IDH2: variants seen among roughly 807,000 people sequenced by gnomAD.
IDH2 encodes isocitrate dehydrogenase (NADP(+)) 2.
In IDH2, 18 loss-of-function variants were observed where a neutral mutation model predicts 50.5. The ratio of observed to expected loss-of-function variants is 0.36; its 90% CI spans 0.25 to 0.53. The LOEUF is 0.53. Ranked by LOEUF, IDH2 falls within the 20% of genes least tolerant of loss-of-function variation. The pLI is 0.92. For synonymous variants in IDH2, 280 were observed against 239.8 expected (o/e 1.17, Z -1.55); for missense variants, 518 against 610.7 (o/e 0.85, Z 1.60).
chr15:90,085,272 C>T lies in IDH2; in HGVS notation c.1080+3G>A, dbSNP rs2151546972. On this transcript the variant is annotated splice_donor_region_variant and intron_variant, in intron 8 of 10. Coordinates refer to ENST00000330062, the MANE Select transcript of IDH2 (RefSeq NM_002168.4). The surrounding 1 kb of genome is among the most constrained non-coding windows in gnomAD (Gnocchi z 5.5). ...ATTGTGAGGCCCCATGCCCTGCACTCACCTTCTGGTGCTCCCGATAGTGGC... is the reference window on the plus strand; with the variant it reads ...ATTGTGAGGCCCCATGCCCTGCACTTACCTTCTGGTGCTCCCGATAGTGGC... The T allele has an allele frequency of 1.3e-6, 2 of 1,557,100 alleles. No individual in the cohort carries two copies. Among genetic ancestry groups the T allele is most frequent in the South Asian group, 1.2e-5 (1 of 85,308 alleles).
chr15:90,085,077 G>T lies in IDH2; in HGVS notation c.1102C>A (p.Pro368Thr). 6.2e-7 allele frequency: 1 copy of T among 1,613,962 alleles called. No individual in the cohort carries two copies. The highest frequency in any genetic ancestry group is 8.5e-7 in the Non-Finnish European group (1 of 1,179,996). ...GTCCAGGCAAAGATGCTGGCGATGG[G>T]GTTGGTGCTGGTGGGCCGGCCCTGG... ...HQKGRPTSTN[P>T]IASIFAWTRG... The change falls in exon 9 of 11, where the codon CCC becomes ACC. Residue 368 changes from proline (P) to threonine (T), a missense_variant. Pro to Thr is a conservative substitution (Grantham distance 38). Around this residue, in one of 5 missense-constraint regions of IDH2, gnomAD observed 135 missense variants for 167.6 expected, o/e 0.81. Transcript: ENST00000330062. This position sits in a 1 kb window ranked among gnomAD's most constrained non-coding sequence, Gnocchi z 5.5.
rs577306964 is a variant in IDH2 at position 90,094,350 on chromosome 15, C to G, written c.116-2706G>C. 7.2e-5 allele frequency among the ~76,000 whole-genome samples: 11 copies of G among 152,352 alleles called. No homozygotes were observed. In the South Asian group the frequency reaches 2.3e-3, roughly 32 times the overall value. Reference sequence around the variant, plus strand: ...GCAGATAGGGGCACCGGGGCACCAGCCTGCTCCTCTGCCCACAGCCTGGGA... The same window carrying G: ...GCAGATAGGGGCACCGGGGCACCAGGCTGCTCCTCTGCCCACAGCCTGGGA... On this transcript the variant is annotated intron_variant, in intron 1 of 10. Coordinates refer to ENST00000330062, the MANE Select transcript of IDH2 (RefSeq NM_002168.4).
At chr15:90,090,405 C>A (rs1219898371) in intron 3 of IDH2, 74 bp downstream of exon 3, 8 of 1,529,236 alleles carry the variant, frequency 5.2e-6, no homozygotes, top group Non-Finnish European at 7.2e-6. Flanking sequence ...CCAACTGCCC[C>A]ACCCCAAGTC....
chr15:90,084,400 C>T lies in IDH2; in HGVS notation c.1272-47G>A. 1 of 1,545,388 alleles carries T rather than the reference C, an allele frequency of 6.5e-7. No individual in the cohort carries two copies. The highest frequency in any genetic ancestry group is 8.9e-7 in the Non-Finnish European group (1 of 1,125,386). On this transcript the variant is annotated intron_variant, in intron 10 of 10. Coordinates refer to ENST00000330062, the MANE Select transcript of IDH2 (RefSeq NM_002168.4). The surrounding 1 kb of genome is among the most constrained non-coding windows in gnomAD (Gnocchi z 5.0). ...CATCAGGGGTGGCTCCAGGCCTTGCCAAGGCCATCAGCCAGGCCCTTCCAG... is the reference window on the plus strand; with the variant it reads ...CATCAGGGGTGGCTCCAGGCCTTGCTAAGGCCATCAGCCAGGCCCTTCCAG...
chr15:90,091,344 G>T (rs1901029817), intron 2 of IDH2, among the ~76,000 whole-genome samples: 1 of 152,258 alleles, frequency 6.6e-6, no homozygotes, highest in African/African-American at 2.4e-5. Context: ...AACACGGACT[G>T]CTGGGGACAG....
chr15:90,102,239 G>A, intron 1 of IDH2, 37 bp downstream of exon 1: 1 of 922,926 alleles, frequency 1.1e-6, no homozygotes, highest in Non-Finnish European at 1.4e-6. Context: ...CGCAGCTGGG[G>A]GCGCGCGCCT....
Position 90,087,266 on chromosome 15 carries a change from G to A in IDH2, c.816-3C>T. 1 of 1,614,146 alleles carries A rather than the reference G, an allele frequency of 6.2e-7. No individual in the cohort carries two copies. The highest frequency in any genetic ancestry group is 8.5e-7 in the Non-Finnish European group (1 of 1,180,028). Reference sequence around the variant, plus strand: ...TGTCGAAGTCGGTCTTATAGTGCCTGGGAGTAAAAAGGTCTGTTATGGGGA... The same window carrying A: ...TGTCGAAGTCGGTCTTATAGTGCCTAGGAGTAAAAAGGTCTGTTATGGGGA... On this transcript the variant is annotated splice_polypyrimidine_tract_variant and splice_region_variant and intron_variant, in intron 6 of 10. Coordinates refer to ENST00000330062, the MANE Select transcript of IDH2 (RefSeq NM_002168.4).
rs1555461852 is a variant in IDH2 at position 90,093,605 on chromosome 15, A to ATTT, written c.116-1962_116-1961insAAA. 3.9e-3 allele frequency among the ~76,000 whole-genome samples: 507 copies of ATTT among 129,266 alleles called. 3 individuals are homozygous for ATTT. Among genetic ancestry groups the ATTT allele is most frequent in the Non-Finnish European group, 5.4e-3 (295 of 55,082 alleles). 84.8% of individuals were successfully genotyped at this position (129,266 alleles called of 152,430 possible). On this transcript the variant is annotated intron_variant, in intron 1 of 10. Coordinates refer to ENST00000330062, the MANE Select transcript of IDH2 (RefSeq NM_002168.4). ...ATCATTACCTCCATTTTATTTAATT[A>ATTT]ATTAATTTATTTATTTATTTATTTA... is the stretch of plus-strand genomic sequence containing the variant.
rs1255186514 is a variant in IDH2 at position 90,085,532 on chromosome 15, G to A, written c.968-145C>T. On this transcript the variant is annotated intron_variant, in intron 7 of 10. Transcript: ENST00000330062. This position sits in a 1 kb window ranked among gnomAD's most constrained non-coding sequence, Gnocchi z 5.5. ...CCCCCAGCTGCAACTGGGAGGACAG[G>A]GACTGTTCCAGGTCTCTTCACCCTC... The A allele has an allele frequency of 1.4e-6, 1 of 714,388 alleles. No homozygotes were observed. 44.3% of individuals were successfully genotyped at this position (714,388 alleles called of 1,614,324 possible).
rs749473740 is a variant in IDH2 at position 90,084,380 on chromosome 15, G to A, written c.1272-27C>T. 4 of 1,605,006 alleles carry A rather than the reference G, an allele frequency of 2.5e-6. No individual in the cohort carries two copies. Among genetic ancestry groups the A allele is most frequent in the Non-Finnish European group, 3.4e-6 (4 of 1,173,804 alleles). ...TGCAGAGAGAGCACCACTCACATCA[G>A]GGGTGGCTCCAGGCCTTGCCAAGGC... On this transcript the variant is annotated intron_variant, in intron 10 of 10. Coordinates refer to ENST00000330062, the MANE Select transcript of IDH2 (RefSeq NM_002168.4). This position sits in a 1 kb window ranked among gnomAD's most constrained non-coding sequence, Gnocchi z 5.0.
chr15:90,095,706 C>G (rs1397039074), intron 1 of IDH2, among the ~76,000 whole-genome samples: 2 of 152,194 alleles, frequency 1.3e-5, no homozygotes, highest in Admixed American at 1.3e-4. Context: ...CAGTACCCCA[C>G]TGGGATACTG....
At chr15:90,090,085 T>TTCC (rs61447158) in intron 3 of IDH2, among the ~76,000 whole-genome samples, 2 of 151,312 alleles carry the variant, frequency 1.3e-5, no homozygotes, top group East Asian at 1.9e-4. Context: ...CAGCATTACC[T>TTCC]TCCTCCTCCT....
rs1375910689 is a variant in IDH2 at position 90,084,154 on chromosome 15, C to G, written c.*112G>C. 2.6e-6 allele frequency: 2 copies of G among 775,060 alleles called. No homozygotes were observed. Among genetic ancestry groups the G allele is most frequent in the Non-Finnish European group, 4.4e-6 (2 of 454,542 alleles). 48.0% of individuals were successfully genotyped at this position (775,060 alleles called of 1,614,324 possible). A position where few individuals can be genotyped will look rare whatever the true frequency, so the allele number is the denominator to read the frequency against. On this transcript the variant is annotated 3_prime_UTR_variant, in exon 11 of 11. Coordinates refer to ENST00000330062, the MANE Select transcript of IDH2 (RefSeq NM_002168.4). The surrounding 1 kb of genome is among the most constrained non-coding windows in gnomAD (Gnocchi z 5.0). ...AAACATCTGGCTTATAAAAAAACAT[C>G]CCCTAGAAAGGCCTCCAGAGAGGGG... is the stretch of plus-strand genomic sequence containing the variant.
Position 90,083,851 on chromosome 15 carries a change from C to T in IDH2, c.*415G>A. 1 of 306,880 alleles carries T rather than the reference C, an allele frequency of 3.3e-6. No homozygotes were observed. Among genetic ancestry groups the T allele is most frequent in the South Asian group, 4.7e-5 (1 of 21,262 alleles). The allele number at this position is 306,880 out of a possible 1,614,324, so 19.0% of individuals were successfully genotyped here. A position where few individuals can be genotyped will look rare whatever the true frequency, so the allele number is the denominator to read the frequency against. On this transcript the variant is annotated 3_prime_UTR_variant, in exon 11 of 11. Transcript: ENST00000330062. ...GCGGGCTCCCAGGGCTGCCTGGTCC[C>T]TTCCCTGCCGTGGCAGCCCCTTCCT...
rs1358397121 is a variant in IDH2, at chr15:90,084,896, C to A, written c.1191G>T (p.Met397Ile). The change falls in exon 10 of 11, where the codon ATG (methionine) becomes ATT (isoleucine). Residue 397 changes from methionine to isoleucine, a missense_variant. By Grantham distance (10) the Met-to-Ile change is conservative. Transcript: ENST00000330062. The surrounding 1 kb of genome is among the most constrained non-coding windows in gnomAD (Gnocchi z 5.0). ...GNQDLIRFAQ[M>I]LEKVCVETVE... Reference sequence around the variant, plus strand: ...CCGTCTCCACGCACACCTTCTCCAGCATCTGGGCAAACCTATGGGGATGGG... The same window carrying A: ...CCGTCTCCACGCACACCTTCTCCAGAATCTGGGCAAACCTATGGGGATGGG... The A allele has an allele frequency of 6.2e-7, 1 of 1,614,116 alleles. No homozygotes were observed. Among genetic ancestry groups the A allele is most frequent in the Non-Finnish European group, 8.5e-7 (1 of 1,180,008 alleles).
chr15:90,102,300 AG>A lies in IDH2; in HGVS notation c.90del (p.Ser31ArgfsTer28). The part of the protein sequence containing the change: ...AWAPAALTAP[T>X]SQEQPRRHYA... ...CAGTGGCGCCGCGGCTGCTCTTGCG[AG>A]GTGGGGGCTGTCAGGGCCGCCGGCG... On this transcript the variant is annotated frameshift_variant, in exon 1 of 11. Transcript: ENST00000330062. LOFTEE classifies it high-confidence loss of function. 1 of 1,341,060 alleles carries A rather than the reference AG, an allele frequency of 7.5e-7. No homozygotes were observed. Among genetic ancestry groups the A allele is most frequent in the Non-Finnish European group, 9.7e-7 (1 of 1,035,616 alleles). The allele number at this position is 1,341,060 out of a possible 1,614,324, so 83.1% of individuals were successfully genotyped here. A position where few individuals can be genotyped will look rare whatever the true frequency, so the allele number is the denominator to read the frequency against.
chr15:90,093,341 A>G (rs1901094258), intron 1 of IDH2, among the ~76,000 whole-genome samples: 1 of 152,178 alleles, frequency 6.6e-6, no homozygotes, highest in South Asian at 2.1e-4. Context: ...TCCAAGACTT[A>G]GTTCTTTATA....
intron 3 of IDH2, among the ~76,000 whole-genome samples, chr15:90,089,096 G>T (rs977711819): frequency 2.0e-5 from 3 of 151,604 alleles, no homozygotes; most frequent in Admixed American, 1.3e-4. Flanking sequence ...GTATTTTTAG[G>T]AGAGATGGGG....
chr15:90,094,273 CAATG>C (rs941635891), intron 1 of IDH2, among the ~76,000 whole-genome samples: 1 of 152,196 alleles, frequency 6.6e-6, no homozygotes, highest in African/African-American at 2.4e-5. Context: ...GGCCACCTAA[CAATG>C]AATCAGTACA....
Sources: gnomAD v4.1 joint callset for allele counts (sites outside exome capture counted in the v4.1 genomes callset) on GRCh38, gnomAD v4.1.1 for gene constraint, gnomAD v4.1.1 regional missense constraint, Gnocchi (gnomAD v3.1) non-coding constraint, MANE v1.5 for transcripts, NCBI Gene and HGNC (gene_info 2026-07-23, HGNC 2026-07-21) for gene names.